ADAM17: variants seen among roughly 807,000 people sequenced by gnomAD.
ADAM17 encodes disintegrin and metalloproteinase domain-containing protein 17.
In ADAM17, 39 loss-of-function variants were observed where a neutral mutation model predicts 96.7. The ratio of observed to expected loss-of-function variants is 0.40; its 90% CI spans 0.31 to 0.53. The LOEUF is 0.53. ADAM17 is among the 20% of genes least tolerant of loss of function. ADAM17 has a pLI of 0.44. For missense variants in ADAM17, 777 were observed against 1,013.2 expected (o/e 0.77, Z 3.17); for synonymous variants, 344 against 359.2 (o/e 0.96, Z 0.48).
chr2:9,523,433 T>G, intron 6 of ADAM17, 95 bp from the exon 7 acceptor site: 1 of 1,105,804 alleles, frequency 9.0e-7, no homozygotes, highest in Non-Finnish European at 1.3e-6. Flanking sequence ...AAAATCTCAG[T>G]TTAGAGGCCA....
At chr2:9,524,592 C>T (rs959123241) in intron 6 of ADAM17, among the ~76,000 whole-genome samples, 4 of 152,172 alleles carry the variant, frequency 2.6e-5, no homozygotes, top group African/African-American at 9.7e-5. Context: ...AAAAAGAATT[C>T]CATCTTCACT....
In ADAM17 at chr2:9,489,480, T is replaced by C. The variant is rs1415052304; in HGVS notation, c.*697A>G. ...AAAACTGCCCAGCAAATCAGGGCCC[T>C]AAACAGTTGGTAGATTCCATAAATT... On this transcript the variant is annotated 3_prime_UTR_variant, in exon 19 of 19. Transcript: ENST00000310823. 6.6e-6 allele frequency: 1 copy of C among 152,198 alleles called. No homozygotes were observed. Among genetic ancestry groups the C allele is most frequent in the African/African-American group, 2.4e-5 (1 of 41,332 alleles). The allele number at this position is 152,198 out of a possible 1,614,324, so 9.4% of individuals were successfully genotyped here. A position where few individuals can be genotyped will look rare whatever the true frequency, so the allele number is the denominator to read the frequency against.
chr2:9,490,045 G>GGAA lies in ADAM17; in HGVS notation c.*129_*131dup. The GGAA allele has an allele frequency of 1.2e-6, 1 of 827,674 alleles. No individual in the cohort carries two copies. The highest frequency in any genetic ancestry group is 1.7e-5 in the African/African-American group (1 of 58,164). The allele number at this position is 827,674 out of a possible 1,614,324, so 51.3% of individuals were successfully genotyped here. On this transcript the variant is annotated 3_prime_UTR_variant, in exon 19 of 19. Coordinates refer to ENST00000310823, the MANE Select transcript of ADAM17 (RefSeq NM_003183.6). ...ACCACACAAGAACTGTTTACCTGCA[G>GGAA]GAAGTTCAAACACATGACCAGCATC...
At chr2:9,532,970 C>T (rs1200122567) in intron 4 of ADAM17, among the ~76,000 whole-genome samples, 4 of 152,052 alleles carry the variant, frequency 2.6e-5, no homozygotes. Flanking sequence ...ATGGGCAGAT[C>T]ACGAGGTCAG....
At chr2:9,498,777 T>C (rs1224249333) in intron 13 of ADAM17, among the ~76,000 whole-genome samples, 1 of 152,260 alleles carries the variant, frequency 6.6e-6, no homozygotes, top group African/African-American at 2.4e-5. Flanking sequence ...GGATCATTAT[T>C]GTATTTTTGG....
Position 9,494,663 on chromosome 2 carries a change from A to G in ADAM17, c.1888T>C (p.Cys630Arg). 1 of 1,614,150 alleles carries G rather than the reference A, an allele frequency of 6.2e-7. No individual in the cohort carries two copies. Among genetic ancestry groups the G allele is most frequent in the Non-Finnish European group, 8.5e-7 (1 of 1,179,972 alleles). ...TTCATGTCACAAAATCCTACTGTAC[A>G]GGGCTTTCCTTTCCTCAAAAATAAG... is the stretch of plus-strand genomic sequence containing the variant. ...KNLFLRKGKP[C>R]TVGFCDMNGK... Residue 630 changes from cysteine to arginine, a missense_variant, in exon 15 of 19, where the codon TGT becomes CGT. Coordinates refer to ENST00000310823, the MANE Select transcript of ADAM17 (RefSeq NM_003183.6).
At chr2:9,538,816 ATTTC>A (rs1215106260) in intron 2 of ADAM17, among the ~76,000 whole-genome samples, 5 of 152,254 alleles carry the variant, frequency 3.3e-5, no homozygotes, top group Admixed American at 2.0e-4. Flanking sequence ...TTTCTTACAG[ATTTC>A]TTTAACGTTT....
chr2:9,543,890 T>G lies in ADAM17; in HGVS notation c.98-605A>C, dbSNP rs372718907. 5.9e-5 allele frequency among the ~76,000 whole-genome samples: 9 copies of G among 152,340 alleles called. No individual in the cohort carries two copies. The East Asian group carries it at 1.2e-3, about 20-fold the overall frequency. On this transcript the variant is annotated intron_variant, in intron 1 of 18. Coordinates refer to ENST00000310823, the MANE Select transcript of ADAM17 (RefSeq NM_003183.6). ...TTATAGTTAACAATTTATTGTATACTTCAAAACAGCTAGAAGACTTGTAAT... is the reference window on the plus strand; with the variant it reads ...TTATAGTTAACAATTTATTGTATACGTCAAAACAGCTAGAAGACTTGTAAT...
At chr2:9,512,867 G>A (rs190234634) in intron 10 of ADAM17, among the ~76,000 whole-genome samples, 19 of 152,296 alleles carry the variant, frequency 1.2e-4, no homozygotes, top group Non-Finnish European at 2.6e-4. Context: ...GAGGTTGACA[G>A]GAAGGTGCAA....
chr2:9,539,394 T>G (rs1665118208), intron 2 of ADAM17, among the ~76,000 whole-genome samples: 1 of 152,304 alleles, frequency 6.6e-6, no homozygotes, highest in Admixed American at 6.5e-5. Context: ...GGATTACATG[T>G]GTGAGTCACC....
rs553795118 is a variant in ADAM17, at chr2:9,510,291, G to A, written c.1192-160C>T. On this transcript the variant is annotated intron_variant, in intron 10 of 18. Coordinates refer to ENST00000310823, the MANE Select transcript of ADAM17 (RefSeq NM_003183.6). ...ACCAGCACTTTAGGAGGCTGAGATG[G>A]GAGGATTACTTTACTCTAGGAGTTT... Among the ~76,000 whole-genome samples, 6 of 152,296 alleles carry A rather than the reference G, an allele frequency of 3.9e-5. No homozygotes were observed. The South Asian group carries it at 1.2e-3, about 32-fold the overall frequency.
intron 1 of ADAM17, among the ~76,000 whole-genome samples, chr2:9,548,975 T>C (rs79438044): frequency 3.9e-4 from 59 of 152,364 alleles, no homozygotes; most frequent in Non-Finnish European, 6.6e-4. Context: ...GATAAGCTTT[T>C]ATGGCCATTC....
At position 9,489,182 on chromosome 2, in the gene ADAM17, A is replaced by C. The variant is rs1661861201; in HGVS notation, c.*995T>G. On this transcript the variant is annotated 3_prime_UTR_variant, in exon 19 of 19. Transcript: ENST00000310823. ...TTTGTTGTTGTTGTTGTTAAGAAATATCTCACCCTCTTATTCAATAGTGTT... is the reference window on the plus strand; with the variant it reads ...TTTGTTGTTGTTGTTGTTAAGAAATCTCTCACCCTCTTATTCAATAGTGTT... 6.7e-6 allele frequency: 1 copy of C among 150,312 alleles called. No individual in the cohort carries two copies. Among genetic ancestry groups the C allele is most frequent in the Admixed American group, 6.6e-5 (1 of 15,142 alleles). 9.3% of individuals were successfully genotyped at this position (150,312 alleles called of 1,614,324 possible).
intron 8 of ADAM17, among the ~76,000 whole-genome samples, chr2:9,518,588 G>A (rs1028294957): frequency 6.6e-5 from 10 of 151,982 alleles, no homozygotes. Context: ...TTCGATAAGG[G>A]GATTGCAGCA....
intron 4 of ADAM17, among the ~76,000 whole-genome samples, chr2:9,535,450 T>C (rs1227946976): frequency 6.6e-6 from 1 of 152,198 alleles, no homozygotes; most frequent in East Asian, 1.9e-4. Context: ...AACTACCACC[T>C]TTCATTGATC....
At position 9,509,966 on chromosome 2, in the gene ADAM17, G is replaced by C. The variant is rs1332196544; in HGVS notation, c.1344+13C>G. The C allele has an allele frequency of 6.2e-7, 1 of 1,612,732 alleles. No individual in the cohort carries two copies. The highest frequency in any genetic ancestry group is 1.7e-5 in the Admixed American group (1 of 59,906). ...TTTCCAAACCACATAAAAAATTCTCGACACACACATACCTTATTGTTCTCG... is the reference window on the plus strand; with the variant it reads ...TTTCCAAACCACATAAAAAATTCTCCACACACACATACCTTATTGTTCTCG... On this transcript the variant is annotated intron_variant, in intron 11 of 18. Transcript: ENST00000310823.
chr2:9,490,969 A>G (rs1662089588), intron 18 of ADAM17, 132 bp downstream of exon 18: 1 of 776,332 alleles, frequency 1.3e-6, no homozygotes, highest in Non-Finnish European at 2.1e-6. Context: ...AAACATTCCA[A>G]CCTAGACCCT....
intron 5 of ADAM17, among the ~76,000 whole-genome samples, chr2:9,526,711 A>C (rs924073164): frequency 6.6e-6 from 1 of 152,120 alleles, no homozygotes; most frequent in African/African-American, 2.4e-5. Flanking sequence ...CAGGAGAATC[A>C]CTTCAACCCA....
At chr2:9,492,707 A>AT (rs904708992) in intron 17 of ADAM17, among the ~76,000 whole-genome samples, 191 bp downstream of exon 17, 33 of 152,164 alleles carry the variant, frequency 2.2e-4, no homozygotes, top group African/African-American at 6.0e-4. Flanking sequence ...CAAAAATAGT[A>AT]TTTTTTTTAA....
Sources: allele counts gnomAD v4.1 joint callset (sites outside exome capture counted in the v4.1 genomes callset), GRCh38; gene constraint gnomAD v4.1.1; transcripts MANE v1.5; gene names NCBI Gene and HGNC (gene_info 2026-07-23, HGNC 2026-07-21).